Variants in AK9 observed in about 807,000 individuals in gnomAD.
AK9 encodes the protein adenylate kinase domain containing 1.
Under a neutral mutation model 239.6 loss-of-function variants are expected in AK9, and 191 were observed. The observed-to-expected ratio is 0.80, with a 90% CI of 0.71 to 0.90. AK9 has a LOEUF of 0.90. Among genes scored for constraint, AK9 ranks in the 40% least tolerant of loss-of-function variants. AK9 has a pLI of 0.00. For missense variants in AK9, 1,995 were observed against 2,214.7 expected, an observed-to-expected ratio of 0.90 and a Z score of 1.99; for synonymous variants, 689 against 721.0, an observed-to-expected ratio of 0.96 and a Z score of 0.71.
chr6:109,607,967 T>C (rs988714612), intron 17 of AK9, among the ~76,000 whole-genome samples: 1 of 151,940 alleles, frequency 6.6e-6, no homozygotes, highest in African/African-American at 2.4e-5. Flanking sequence ...CTCTCAGATG[T>C]CATGATTTAT....
At chr6:109,547,581 T>C (rs1199544631) in intron 25 of AK9, among the ~76,000 whole-genome samples, 1 of 152,032 alleles carries the variant, frequency 6.6e-6, no homozygotes, top group Non-Finnish European at 1.5e-5. Flanking sequence ...GACCTGAATA[T>C]ATAAAACTGC....
At chr6:109,511,993 G>A (rs998158653) in intron 32 of AK9, among the ~76,000 whole-genome samples, 3 of 152,126 alleles carry the variant, frequency 2.0e-5, no homozygotes, top group African/African-American at 4.8e-5. Flanking sequence ...TGTCAGAGGC[G>A]TGCAAACAAG....
chr6:109,610,454 T>C lies in AK9; in HGVS notation c.1753A>G (p.Ile585Val), dbSNP rs1253519745. The change falls in exon 17 of 41, where the codon ATT becomes GTT. Residue 585 changes from isoleucine (I) to valine (V), a missense_variant. Coordinates refer to ENST00000424296, the MANE Select transcript of AK9 (RefSeq NM_001145128.3). Reference sequence around the variant, plus strand: ...TGTGACATTTTTATAGTCTCTTCAATCATGGTCACAACCTCTGGATGATCT... The same window carrying C: ...TGTGACATTTTTATAGTCTCTTCAACCATGGTCACAACCTCTGGATGATCT... ...TADHPEVVTMIEETIKMSQDI... is the reference protein window; with the variant it reads ...TADHPEVVTMVEETIKMSQDI... 6.4e-7 allele frequency: 1 copy of C among 1,551,334 alleles called. No homozygotes were observed. The highest frequency in any genetic ancestry group is 1.4e-5 in the African/African-American group (1 of 73,034).
Position 109,550,189 on chromosome 6 carries a change from G to A in AK9, c.2865C>T (p.Ala955=), listed in dbSNP as rs138836954. ...ILQPGNTEEA[A]KYREKIYYFS... ...AGTAGTAGATCTTTTCTCGATACTT[G>A]GCTGCTTCTTCTGTGTTTCCTGGTT... The change falls in exon 25 of 41, where the codon GCC becomes GCT. Residue 955 remains alanine, a synonymous_variant. Transcript: ENST00000424296. The A allele has an allele frequency of 1.2e-6, 2 of 1,613,554 alleles. No homozygotes were observed. The highest frequency in any genetic ancestry group is 2.7e-5 in the African/African-American group (2 of 74,824).
chr6:109,595,647 T>C (rs1264912694), intron 17 of AK9, among the ~76,000 whole-genome samples: 1 of 152,206 alleles, frequency 6.6e-6, no homozygotes, highest in Non-Finnish European at 1.5e-5. Context: ...GTGGCATATA[T>C]ACACCATGGA....
At chr6:109,672,904 G>C (rs1771148444) in intron 3 of AK9, among the ~76,000 whole-genome samples, 3 of 152,142 alleles carry the variant, frequency 2.0e-5, no homozygotes, top group Admixed American at 2.0e-4. Context: ...TACATCCAAA[G>C]CCTGCTAGTT....
intron 16 of AK9, among the ~76,000 whole-genome samples, chr6:109,611,490 GA>G (rs1271498311): frequency 6.6e-6 from 1 of 152,184 alleles, no homozygotes; most frequent in East Asian, 1.9e-4. Flanking sequence ...GTGCCCTGCT[GA>G]AAAACTATAT....
chr6:109,576,754 C>G (rs1421732658), intron 20 of AK9, among the ~76,000 whole-genome samples: 2 of 151,096 alleles, frequency 1.3e-5, no homozygotes, highest in Non-Finnish European at 2.9e-5. Context: ...GCATCCTTGT[C>G]TTGTTCTAGT....
At chr6:109,537,779 T>C (rs1197567715) in intron 27 of AK9, among the ~76,000 whole-genome samples, 3 of 152,244 alleles carry the variant, frequency 2.0e-5, no homozygotes, top group African/African-American at 7.2e-5. Flanking sequence ...GCTTTAAATG[T>C]GTCCCAGAGA....
intron 24 of AK9, among the ~76,000 whole-genome samples, chr6:109,551,584 C>A (rs999044624): frequency 6.6e-6 from 1 of 150,666 alleles, no homozygotes; most frequent in African/African-American, 2.4e-5. Flanking sequence ...CTATGATGTT[C>A]AAAAAATACA....
intron 8 of AK9, among the ~76,000 whole-genome samples, chr6:109,645,823 T>G (rs988568606): frequency 3.9e-5 from 6 of 152,236 alleles, no homozygotes; most frequent in African/African-American, 1.2e-4. Flanking sequence ...CACTGACACC[T>G]CATACAGCCA....
chr6:109,552,739 T>C lies in AK9; in HGVS notation c.2752-2437A>G, dbSNP rs556233630. On this transcript the variant is annotated intron_variant, in intron 24 of 40. Coordinates refer to ENST00000424296, the MANE Select transcript of AK9 (RefSeq NM_001145128.3). Reference sequence around the variant, plus strand: ...CCCATTTGTCAACTGTAGCTTTTGTTGCAATTGCTTTTGGCATTTTTGTCA... The same window carrying C: ...CCCATTTGTCAACTGTAGCTTTTGTCGCAATTGCTTTTGGCATTTTTGTCA... Among the ~76,000 whole-genome samples, 3 of 152,374 alleles carry C rather than the reference T, an allele frequency of 2.0e-5. No individual in the cohort carries two copies. The East Asian group carries it at 5.8e-4, about 29-fold the overall frequency.
intron 38 of AK9, among the ~76,000 whole-genome samples, chr6:109,496,610 T>G (rs948509973): frequency 1.3e-5 from 2 of 152,120 alleles, no homozygotes; most frequent in East Asian, 3.8e-4. Flanking sequence ...CTCCTCATCC[T>G]GGCTCTCCTT....
intron 17 of AK9, among the ~76,000 whole-genome samples, chr6:109,592,233 T>C (rs1003324521): frequency 3.3e-5 from 5 of 152,158 alleles, no homozygotes; most frequent in Admixed American, 1.3e-4. Context: ...ATTTCCAAAG[T>C]TGCTATACTA....
intron 17 of AK9, 128 bp from the exon 18 acceptor site, chr6:109,586,200 G>T: frequency 2.3e-6 from 2 of 854,586 alleles, no homozygotes; most frequent in Admixed American, 3.4e-5. Context: ...AAAAAAAAGG[G>T]TGACAATTTT....
At chr6:109,632,791 T>C (rs941456254) in intron 12 of AK9, 132 bp downstream of exon 12, 1 of 1,369,496 alleles carries the variant, frequency 7.3e-7, no homozygotes. Flanking sequence ...AATTAAAACA[T>C]GAAATTTTAA....
At chr6:109,634,058 T>C (rs1342051824) in intron 10 of AK9, among the ~76,000 whole-genome samples, 1 of 152,148 alleles carries the variant, frequency 6.6e-6, no homozygotes, top group Non-Finnish European at 1.5e-5. Context: ...GTGAGTATTA[T>C]GGTTTGAATG....
At chr6:109,573,617 A>G in intron 20 of AK9, 23 bp from the exon 21 acceptor site, 1 of 1,530,702 alleles carries the variant, frequency 6.5e-7, no homozygotes, top group Non-Finnish European at 8.8e-7. Context: ...GAAGAAATAA[A>G]TTATCATTTG....
Position 109,670,359 on chromosome 6 carries a change from A to G in AK9, c.331+1560T>C, listed in dbSNP as rs564887815. Reference sequence around the variant, plus strand: ...GAGATATAAATGGAACATTATACAGATGAACTGATATGATATGGATTAGCT... The same window carrying G: ...GAGATATAAATGGAACATTATACAGGTGAACTGATATGATATGGATTAGCT... On this transcript the variant is annotated intron_variant, in intron 5 of 40. Coordinates refer to ENST00000424296, the MANE Select transcript of AK9 (RefSeq NM_001145128.3). 5.9e-5 allele frequency among the ~76,000 whole-genome samples: 9 copies of G among 152,344 alleles called. No individual in the cohort carries two copies. In the South Asian group the frequency reaches 1.9e-3, roughly 32 times the overall value.
Sources: allele counts gnomAD v4.1 joint callset (sites outside exome capture counted in the v4.1 genomes callset), GRCh38; gene constraint gnomAD v4.1.1; transcripts MANE v1.5; gene names NCBI Gene and HGNC (gene_info 2026-07-23, HGNC 2026-07-21).